SYNDIG1: variants seen among roughly 807,000 people sequenced by gnomAD.
The protein encoded by SYNDIG1 is synapse differentiation-inducing gene protein 1.
SYNDIG1 carries 9 observed loss-of-function variants against 19.4 expected under a neutral mutation model. The ratio of observed to expected loss-of-function variants is 0.46; its 90% CI spans 0.28 to 0.81. The LOEUF is 0.81. Ranked by LOEUF, SYNDIG1 falls within the 30% of genes least tolerant of loss-of-function variation. The probability of loss-of-function intolerance (pLI) is 0.12; values close to 1 mark genes in which losing one functional copy is unlikely to be tolerated. For missense variants in SYNDIG1, 311 were observed against 343.3 expected (o/e 0.91, Z 0.74); for synonymous variants, 141 against 145.9 (o/e 0.97, Z 0.24).
chr20:24,653,231 G>A (rs1193926402), intron 3 of SYNDIG1, among the ~76,000 whole-genome samples: 4 of 152,150 alleles, frequency 2.6e-5, no homozygotes, highest in Admixed American at 6.5e-5. Flanking sequence ...GAAGATGAAA[G>A]CGCACGGAGG....
chr20:24,568,271 AAG>A (rs2058087688), intron 2 of SYNDIG1, among the ~76,000 whole-genome samples: 1 of 152,228 alleles, frequency 6.6e-6, no homozygotes, highest in Non-Finnish European at 1.5e-5. Flanking sequence ...AATGAGCTGA[AAG>A]AAATAAATGT....
chr20:24,642,333 G>A (rs1323263383), intron 3 of SYNDIG1, among the ~76,000 whole-genome samples: 1 of 152,180 alleles, frequency 6.6e-6, no homozygotes. Context: ...GCTTGTTGCT[G>A]TTGATGTCAA....
Position 24,570,878 on chromosome 20 carries a change from A to C in SYNDIG1, c.481-13978A>C, listed in dbSNP as rs148833556. On this transcript the variant is annotated intron_variant, in intron 2 of 3. Transcript: ENST00000376862. ...CTAATAACTCATAATTGGAAAAGCA[A>C]ATGCTCTTCATTTTTGGATGAATGG... Among the ~76,000 whole-genome samples the C allele has an allele frequency of 8.1e-3, 1,235 of 152,338 alleles. 12 individuals carry two copies. The highest frequency in any genetic ancestry group is 0.012 in the Non-Finnish European group (818 of 68,026).
intron 1 of SYNDIG1, among the ~76,000 whole-genome samples, chr20:24,518,546 C>G (rs1451634690): frequency 6.6e-6 from 1 of 152,198 alleles, no homozygotes; most frequent in Non-Finnish European, 1.5e-5. Context: ...TCTGGGGGTT[C>G]AGCTAATCTT....
At chr20:24,635,149 C>T (rs937038580) in intron 3 of SYNDIG1, among the ~76,000 whole-genome samples, 4 of 152,128 alleles carry the variant, frequency 2.6e-5, no homozygotes, top group African/African-American at 7.2e-5. Context: ...GCAGTGAAGA[C>T]CTCACTTGTC....
intron 2 of SYNDIG1, among the ~76,000 whole-genome samples, chr20:24,559,123 GTA>G (rs373041422): frequency 1.3e-5 from 2 of 150,982 alleles, no homozygotes; most frequent in African/African-American, 2.4e-5. Context: ...TAAAAATGTG[GTA>G]TATATATATA....
At chr20:24,565,770 A>G (rs1374185747) in intron 2 of SYNDIG1, among the ~76,000 whole-genome samples, 1 of 152,104 alleles carries the variant, frequency 6.6e-6, no homozygotes, top group Non-Finnish European at 1.5e-5. Flanking sequence ...CCCGCTTCAC[A>G]GCCCTGAGTC....
chr20:24,605,328 A>G (rs1010990267), intron 3 of SYNDIG1, among the ~76,000 whole-genome samples: 12 of 152,234 alleles, frequency 7.9e-5, no homozygotes, highest in African/African-American at 2.9e-4. Context: ...AAACATTGCT[A>G]GAGGAACGGC....
At chr20:24,661,694 C>G (rs1008214847) in intron 3 of SYNDIG1, among the ~76,000 whole-genome samples, 4 of 151,932 alleles carry the variant, frequency 2.6e-5, no homozygotes, top group Non-Finnish European at 5.9e-5. Context: ...CCAGGGACCT[C>G]AGGTGGGCAT....
At chr20:24,516,761 G>C (rs899161205) in intron 1 of SYNDIG1, among the ~76,000 whole-genome samples, 1 of 152,288 alleles carries the variant, frequency 6.6e-6, no homozygotes, top group African/African-American at 2.4e-5. Context: ...ACAGTATGGC[G>C]ATTCCTCAAG....
chr20:24,663,784 G>C (rs2059624876), intron 3 of SYNDIG1, among the ~76,000 whole-genome samples: 1 of 152,188 alleles, frequency 6.6e-6, no homozygotes, highest in Non-Finnish European at 1.5e-5. Flanking sequence ...CCTTTGCATA[G>C]CCCTGGGGAT....
At chr20:24,596,405 G>A (rs935893099) in intron 3 of SYNDIG1, among the ~76,000 whole-genome samples, 1 of 151,392 alleles carries the variant, frequency 6.6e-6, no homozygotes, top group Admixed American at 6.6e-5. Flanking sequence ...TTGAGATGGA[G>A]TCTCACTCTG....
chr20:24,492,970 T>A (rs1484448828), intron 1 of SYNDIG1, among the ~76,000 whole-genome samples: 1 of 152,226 alleles, frequency 6.6e-6, no homozygotes, highest in African/African-American at 2.4e-5. Flanking sequence ...TTGTGCTAAT[T>A]TCACTAATGA....
chr20:24,479,297 C>T (rs2055728439), intron 1 of SYNDIG1, among the ~76,000 whole-genome samples: 2 of 152,164 alleles, frequency 1.3e-5, no homozygotes, highest in South Asian at 2.1e-4. Context: ...GAGCCCTCAC[C>T]CTCCTTGGAT....
intron 3 of SYNDIG1, 63 bp downstream of exon 3, chr20:24,585,056 G>GCCCC: frequency 1.5e-5 from 8 of 545,598 alleles, no homozygotes; most frequent in East Asian, 5.0e-5. Context: ...GGTGGGGGCG[G>GCCCC]CAATCCCAGC....
At chr20:24,653,829 G>A (rs183226545) in intron 3 of SYNDIG1, among the ~76,000 whole-genome samples, 9 of 152,318 alleles carry the variant, frequency 5.9e-5, no homozygotes, top group African/African-American at 2.2e-4. Flanking sequence ...TTCTTGCTGC[G>A]ACTTCACGGG....
At chr20:24,489,171 CACAT>C (rs918544292) in intron 1 of SYNDIG1, among the ~76,000 whole-genome samples, 55 of 152,312 alleles carry the variant, frequency 3.6e-4, no homozygotes, top group African/African-American at 1.3e-3. Context: ...GGGGCACACA[CACAT>C]ACACATGCAC....
At chr20:24,513,318 A>G (rs992783729) in intron 1 of SYNDIG1, among the ~76,000 whole-genome samples, 3 of 152,230 alleles carry the variant, frequency 2.0e-5, no homozygotes, top group African/African-American at 7.2e-5. Flanking sequence ...CAGACGATCA[A>G]ACTTCTCCAA....
At chr20:24,635,090 C>T (rs116573680) in intron 3 of SYNDIG1, among the ~76,000 whole-genome samples, 391 of 152,288 alleles carry the variant, frequency 2.6e-3, no homozygotes, top group African/African-American at 9.1e-3. Context: ...GGGCTTCTGC[C>T]CACTCCTCAC....
Sources: allele counts gnomAD v4.1 joint callset (sites outside exome capture counted in the v4.1 genomes callset), GRCh38; gene constraint gnomAD v4.1.1; transcripts MANE v1.5; gene names NCBI Gene and HGNC (gene_info 2026-07-23, HGNC 2026-07-21).